SLC1A4: variants seen among roughly 807,000 people sequenced by gnomAD.
The protein encoded by SLC1A4 is solute carrier family 1 member 4.
Under a neutral mutation model 37.7 loss-of-function variants are expected in SLC1A4, and 19 were observed. The observed-to-expected ratio is 0.50, with a 90% CI of 0.35 to 0.74. SLC1A4 has a LOEUF of 0.74. Ranked by LOEUF, SLC1A4 falls within the 30% of genes least tolerant of loss-of-function variation. The pLI is 0.01. For synonymous variants in SLC1A4, 299 were observed against 309.8 expected (o/e 0.97, Z 0.37); for missense variants, 570 against 712.9 (o/e 0.80, Z 2.28).
At chr2:64,994,525 C>T (rs555898117) in intron 1 of SLC1A4, among the ~76,000 whole-genome samples, 1 of 152,280 alleles carries the variant, frequency 6.6e-6, no homozygotes, top group African/African-American at 2.4e-5. Flanking sequence ...TTGTCTGTTG[C>T]CCAGTTTTCT....
At chr2:65,010,486 C>A in intron 3 of SLC1A4, 111 bp from the exon 4 acceptor site, 1 of 864,136 alleles carries the variant, frequency 1.2e-6, no homozygotes, top group Non-Finnish European at 1.7e-6. Flanking sequence ...AAAATATGAG[C>A]TTTTTCTCGT....
chr2:65,016,365 C>G (rs1425097873), intron 4 of SLC1A4, 75 bp from the exon 5 acceptor site: 19 of 1,170,748 alleles, frequency 1.6e-5, no homozygotes. Flanking sequence ...TCCCTGCATT[C>G]TGCCTCAGGA....
chr2:65,007,152 T>C (rs969023553), intron 3 of SLC1A4, among the ~76,000 whole-genome samples: 2 of 152,230 alleles, frequency 1.3e-5, no homozygotes, highest in Admixed American at 6.5e-5. Flanking sequence ...GTCAAAGCCC[T>C]GCTCTTACAA....
At chr2:64,996,962 C>A (rs1395118674) in intron 1 of SLC1A4, among the ~76,000 whole-genome samples, 2 of 152,100 alleles carry the variant, frequency 1.3e-5, no homozygotes, top group Non-Finnish European at 2.9e-5. Context: ...GAAGAGAGCT[C>A]AGGAGTAAGA....
rs567172934 is a variant in SLC1A4, at chr2:65,014,797, T to C, written c.801-1643T>C. ...GCATGTGGTTACCACAAAGTATGTT[T>C]GCAGTGTCGTTTGTAACGATAAACC... On this transcript the variant is annotated intron_variant, in intron 4 of 7. Transcript: ENST00000234256. Among the ~76,000 whole-genome samples, 25 of 152,352 alleles carry C rather than the reference T, an allele frequency of 1.6e-4. 1 individual carries two copies. Among genetic ancestry groups the C allele is most frequent in the Admixed American group, 1.4e-3 (22 of 15,304 alleles).
chr2:65,015,616 C>CT (rs2103673651), intron 4 of SLC1A4, among the ~76,000 whole-genome samples: 1 of 152,138 alleles, frequency 6.6e-6, no homozygotes, highest in South Asian at 2.1e-4. Context: ...TAGAATATCT[C>CT]TAGAAAGAAA....
At position 64,989,761 on chromosome 2, in the gene SLC1A4, C is replaced by T. The variant is rs1369665919; in HGVS notation, c.118C>T (p.Arg40Trp). 6.9e-7 allele frequency: 1 copy of T among 1,443,168 alleles called. No homozygotes were observed. Among genetic ancestry groups the T allele is most frequent in the Non-Finnish European group, 9.0e-7 (1 of 1,106,198 alleles). The allele number at this position is 1,443,168 out of a possible 1,614,324, so 89.4% of individuals were successfully genotyped here. A position where few individuals can be genotyped will look rare whatever the true frequency, so the allele number is the denominator to read the frequency against. Residue 40 changes from arginine (R) to tryptophan (W), a missense_variant, in exon 1 of 8, where the codon CGG becomes TGG. Physicochemically the swap from Arg to Trp is moderately radical, Grantham distance 101. Transcript: ENST00000234256. ...CGCACGGCGTTGCGCGGGCTTCCTG[C>T]GGCGCCAAGCGCTGGTGCTGCTCAC... The part of the protein sequence containing the change: ...GRARRCAGFL[R>W]RQALVLLTVS...
Position 65,021,295 on chromosome 2 carries a change from G to C in SLC1A4, c.*149G>C. 1 of 641,264 alleles carries C rather than the reference G, an allele frequency of 1.6e-6. No individual in the cohort carries two copies. The highest frequency in any genetic ancestry group is 2.7e-5 in the East Asian group (1 of 36,398). The allele number at this position is 641,264 out of a possible 1,614,324, so 39.7% of individuals were successfully genotyped here. A position where few individuals can be genotyped will look rare whatever the true frequency, so the allele number is the denominator to read the frequency against. ...GTCGCTGGCCTGAGGCTTACCTCTCGGCACTGGCATTGGGCTCCCCAGCCG... is the reference window on the plus strand; with the variant it reads ...GTCGCTGGCCTGAGGCTTACCTCTCCGCACTGGCATTGGGCTCCCCAGCCG... On this transcript the variant is annotated 3_prime_UTR_variant, in exon 8 of 8. Coordinates refer to ENST00000234256, the MANE Select transcript of SLC1A4 (RefSeq NM_003038.5).
chr2:65,012,164 A>C (rs1223196581), intron 4 of SLC1A4, among the ~76,000 whole-genome samples: 1 of 150,476 alleles, frequency 6.6e-6, no homozygotes, highest in Non-Finnish European at 1.5e-5. Flanking sequence ...ATCTCGGCTC[A>C]CTGCAAGCTC....
chr2:65,017,552 T>G (rs1674199573), intron 5 of SLC1A4, among the ~76,000 whole-genome samples: 1 of 151,998 alleles, frequency 6.6e-6, no homozygotes, highest in Admixed American at 6.5e-5. Flanking sequence ...AAAACCTGTT[T>G]CTCAGCTGCA....
intron 4 of SLC1A4, 35 bp from the exon 5 acceptor site, chr2:65,016,405 C>T (rs770031176): frequency 3.9e-6 from 6 of 1,532,776 alleles, no homozygotes; most frequent in Non-Finnish European, 4.5e-6. Flanking sequence ...CCAGCTTTAT[C>T]CCCCACTGAT....
chr2:65,017,691 T>A (rs1308716282), intron 5 of SLC1A4, among the ~76,000 whole-genome samples: 2 of 152,008 alleles, frequency 1.3e-5, no homozygotes, highest in Non-Finnish European at 2.9e-5. Context: ...GAAAAAAAAA[T>A]CATAGTTTAC....
At chr2:65,012,932 T>A (rs968088692) in intron 4 of SLC1A4, among the ~76,000 whole-genome samples, 3 of 152,186 alleles carry the variant, frequency 2.0e-5, no homozygotes, top group Admixed American at 6.5e-5. Flanking sequence ...TATTAGTCCG[T>A]TCTCACACTG....
intron 2 of SLC1A4, among the ~76,000 whole-genome samples, 190 bp from the exon 3 acceptor site, chr2:65,003,763 C>G (rs906431533): frequency 6.6e-6 from 1 of 152,192 alleles, no homozygotes; most frequent in Non-Finnish European, 1.5e-5. Flanking sequence ...GAAGTATCTG[C>G]TGACTTGGTC....
At chr2:65,017,347 T>TA (rs11343144) in intron 5 of SLC1A4, among the ~76,000 whole-genome samples, 5,933 of 110,892 alleles carry the variant, frequency 0.054, 111 homozygotes, top group Middle Eastern at 0.17. Context: ...TGGAAAACCT[T>TA]AAAAAAAAAA....
chr2:65,001,562 A>C (rs1673458875), intron 2 of SLC1A4, 72 bp downstream of exon 2: 1 of 1,410,668 alleles, frequency 7.1e-7, no homozygotes, highest in Non-Finnish European at 1.0e-6. Flanking sequence ...CTATAGAGTT[A>C]GGTAAGGTAG....
chr2:65,004,149 G>T (rs1306926830), intron 3 of SLC1A4, 134 bp downstream of exon 3: 3 of 700,768 alleles, frequency 4.3e-6, no homozygotes, highest in African/African-American at 1.8e-5. Context: ...GGTTAGGTTT[G>T]CTCCTTTGGT....
rs565992134 is a variant in SLC1A4 at position 64,989,804 on chromosome 2, C to T, written c.161C>T (p.Ala54Val). The stretch of plus-strand genomic sequence containing the variant: ...CTGCTCACCGTGTCCGGGGTGCTGG[C>T]GGGCGCGGGCCTGGGCGCGGCGTTG... ...LVLLTVSGVL[A>V]GAGLGAALRG... The change falls in exon 1 of 8, where the codon GCG becomes GTG. Residue 54 changes from alanine to valine, a missense_variant. Transcript: ENST00000234256. 1 of 1,522,742 alleles carries T rather than the reference C, an allele frequency of 6.6e-7. No individual in the cohort carries two copies. The highest frequency in any genetic ancestry group is 2.1e-5 in the Admixed American group (1 of 48,054). 94.3% of individuals were successfully genotyped at this position (1,522,742 alleles called of 1,614,324 possible).
intron 7 of SLC1A4, 67 bp from the exon 8 acceptor site, chr2:65,020,845 G>A: frequency 7.5e-7 from 1 of 1,333,772 alleles, no homozygotes; most frequent in Non-Finnish European, 1.1e-6. Context: ...TCGGCATCCA[G>A]GCTGCCTGTG....
Sources: gnomAD v4.1 joint callset for allele counts (sites outside exome capture counted in the v4.1 genomes callset) on GRCh38, gnomAD v4.1.1 for gene constraint, MANE v1.5 for transcripts, NCBI Gene and HGNC (gene_info 2026-07-23, HGNC 2026-07-21) for gene names.